The following RBMS3 variants were observed in gnomAD, a reference collection of about 807,000 sequenced individuals.
The protein encoded by RBMS3 is RNA-binding motif, single-stranded-interacting protein 3.
A neutral mutation model predicts 66.8 loss-of-function variants in RBMS3; 27 were observed. That is an observed-to-expected ratio of 0.40 (90% confidence interval 0.30 to 0.56). The LOEUF (loss-of-function observed/expected upper bound fraction) is 0.56, where lower values mean the gene tolerates loss of function less well. Among genes scored for constraint, RBMS3 ranks in the 20% least tolerant of loss-of-function variants. The probability of loss-of-function intolerance (pLI) is 0.40; values close to 1 mark genes in which losing one functional copy is unlikely to be tolerated. For missense variants in RBMS3, 513 were observed against 549.5 expected (o/e 0.93, Z 0.66); for synonymous variants, 188 against 183.0 (o/e 1.03, Z -0.22).
chr3:29,969,523 T>C (rs1697085912), intron 12 of RBMS3, among the ~76,000 whole-genome samples: 1 of 152,226 alleles, frequency 6.6e-6, no homozygotes. Context: ...CTCTCTATCA[T>C]GGTAACAGAG....
intron 3 of RBMS3, among the ~76,000 whole-genome samples, chr3:29,584,286 ACT>A (rs140463741): frequency 0.059 from 9,021 of 151,626 alleles, 545 homozygotes; most frequent in East Asian, 0.31. Flanking sequence ...TTCCTCTCTG[ACT>A]CTCCAGCTTT....
intron 5 of RBMS3, among the ~76,000 whole-genome samples, chr3:29,760,919 T>C (rs2055655395): frequency 6.6e-6 from 1 of 152,128 alleles, no homozygotes; most frequent in South Asian, 2.1e-4. Context: ...GACATCAAAT[T>C]GATTCATTCT....
chr3:29,413,206 T>A (rs1241177657), intron 1 of RBMS3, among the ~76,000 whole-genome samples: 1 of 151,978 alleles, frequency 6.6e-6, no homozygotes, highest in Non-Finnish European at 1.5e-5. Flanking sequence ...CTGTCTCTAT[T>A]AAAAATACAA....
At chr3:29,889,060 A>C (rs1258424619) in intron 8 of RBMS3, among the ~76,000 whole-genome samples, 1 of 151,718 alleles carries the variant, frequency 6.6e-6, no homozygotes, top group Non-Finnish European at 1.5e-5. Flanking sequence ...GGCCTTTACT[A>C]ACTACAGAAC....
intron 12 of RBMS3, among the ~76,000 whole-genome samples, chr3:29,947,273 A>C (rs1695388328): frequency 6.6e-6 from 1 of 151,596 alleles, no homozygotes; most frequent in South Asian, 2.1e-4. Context: ...ATTAATGTGA[A>C]CATAAAAAGT....
chr3:29,787,276 A>G (rs2056851386), intron 6 of RBMS3, among the ~76,000 whole-genome samples: 1 of 152,150 alleles, frequency 6.6e-6, no homozygotes, highest in African/African-American at 2.4e-5. Flanking sequence ...AAGTGTGGAG[A>G]TTCCTTAAAG....
At chr3:29,724,730 A>G (rs2053783037) in intron 4 of RBMS3, among the ~76,000 whole-genome samples, 1 of 152,218 alleles carries the variant, frequency 6.6e-6, no homozygotes, top group African/African-American at 2.4e-5. Flanking sequence ...CCGTTTAAAA[A>G]TAATTTAGAT....
At chr3:29,751,055 G>T (rs1476381735) in intron 5 of RBMS3, among the ~76,000 whole-genome samples, 1 of 152,056 alleles carries the variant, frequency 6.6e-6, no homozygotes, top group Non-Finnish European at 1.5e-5. Flanking sequence ...GTTTCAGAAA[G>T]CAAAATTTTT....
At chr3:29,709,030 C>G (rs1395151780) in intron 4 of RBMS3, among the ~76,000 whole-genome samples, 1 of 152,150 alleles carries the variant, frequency 6.6e-6, no homozygotes, top group Non-Finnish European at 1.5e-5. Context: ...AAGGACCACT[C>G]TAGCTCCCAC....
intron 1 of RBMS3, among the ~76,000 whole-genome samples, chr3:29,398,789 T>G (rs2039671014): frequency 6.6e-6 from 1 of 152,206 alleles, no homozygotes; most frequent in Middle Eastern, 3.4e-3. Flanking sequence ...AAACTAAAAG[T>G]GCGAACCTCA....
intron 6 of RBMS3, among the ~76,000 whole-genome samples, chr3:29,770,918 G>A (rs1052384995): frequency 2.0e-5 from 3 of 151,972 alleles, no homozygotes; most frequent in African/African-American, 7.2e-5. Flanking sequence ...ACCAATTTTT[G>A]TATGAATGGA....
Position 29,532,246 on chromosome 3 carries a change from G to GTGTATATATATA in RBMS3, c.307+43748_307+43749insGTATATATATAT, listed in dbSNP as rs1491266863. Among the ~76,000 whole-genome samples, 12 of 88,982 alleles carry GTGTATATATATA rather than the reference G, an allele frequency of 1.3e-4. 1 individual carries two copies. The East Asian group carries it at 1.8e-3, about 13-fold the overall frequency. 58.4% of individuals were successfully genotyped at this position (88,982 alleles called of 152,430 possible). ...TCTTATTTTAATTTCGCATATATAT[G>GTGTATATATATA]TATATATATATATATGTATATATAT... is the stretch of plus-strand genomic sequence containing the variant. On this transcript the variant is annotated intron_variant, in intron 3 of 14. Coordinates refer to ENST00000383767, the MANE Select transcript of RBMS3 (RefSeq NM_001003793.3).
intron 1 of RBMS3, among the ~76,000 whole-genome samples, chr3:29,285,161 A>C (rs1323608717): frequency 6.7e-6 from 1 of 148,168 alleles, no homozygotes; most frequent in East Asian, 2.0e-4. Context: ...CCAAAAAAAA[A>C]ACAACCTGTT....
At chr3:29,414,980 T>G (rs1430079530) in intron 1 of RBMS3, among the ~76,000 whole-genome samples, 1 of 152,194 alleles carries the variant, frequency 6.6e-6, no homozygotes, top group Non-Finnish European at 1.5e-5. Context: ...TTGCTCTTTT[T>G]TCTCCCATAA....
intron 12 of RBMS3, among the ~76,000 whole-genome samples, chr3:29,961,207 C>T (rs973340115): frequency 1.3e-5 from 2 of 152,160 alleles, no homozygotes; most frequent in African/African-American, 4.8e-5. Flanking sequence ...CAAAATGCCT[C>T]CAGTCTCTTT....
chr3:29,543,719 A>G (rs951914513), intron 3 of RBMS3, among the ~76,000 whole-genome samples: 1 of 152,164 alleles, frequency 6.6e-6, no homozygotes, highest in Non-Finnish European at 1.5e-5. Flanking sequence ...CAAAAAATAA[A>G]AAATAAAAAA....
At chr3:29,772,495 A>G (rs1488821500) in intron 6 of RBMS3, among the ~76,000 whole-genome samples, 1 of 152,042 alleles carries the variant, frequency 6.6e-6, no homozygotes, top group Admixed American at 6.6e-5. Flanking sequence ...GATGCTTGTT[A>G]AAGCACAGTA....
chr3:29,998,387 A>C (rs1699393409), intron 14 of RBMS3, among the ~76,000 whole-genome samples: 2 of 151,978 alleles, frequency 1.3e-5, no homozygotes, highest in East Asian at 1.9e-4. Flanking sequence ...GCTACCAATG[A>C]CTTTCTTCAC....
chr3:29,722,645 C>G (rs995670698), intron 4 of RBMS3, among the ~76,000 whole-genome samples: 3 of 152,064 alleles, frequency 2.0e-5, no homozygotes, highest in Non-Finnish European at 4.4e-5. Context: ...TGCAATCATT[C>G]TTCTGTCTTT....
Sources: gnomAD v4.1 joint callset for allele counts (sites outside exome capture counted in the v4.1 genomes callset) on GRCh38, gnomAD v4.1.1 for gene constraint, MANE v1.5 for transcripts, NCBI Gene and HGNC (gene_info 2026-07-23, HGNC 2026-07-21) for gene names.